The following ATF7IP2 variants were observed in gnomAD, a reference collection of about 807,000 sequenced individuals.
ATF7IP2 encodes the protein activating transcription factor 7-interacting protein 2.
In ATF7IP2, 42 loss-of-function variants were observed where a neutral mutation model predicts 64.2. That is an observed-to-expected ratio of 0.65 (90% CI 0.51 to 0.85). The LOEUF is 0.85. Ranked by LOEUF, ATF7IP2 falls within the 40% of genes least tolerant of loss-of-function variation. The probability of loss-of-function intolerance (pLI) is 0.00; values close to 1 mark genes in which losing one functional copy is unlikely to be tolerated. For missense variants in ATF7IP2, 933 were observed against 784.2 expected (o/e 1.19, Z -2.27); for synonymous variants, 308 against 272.8 (o/e 1.13, Z -1.27).
chr16:10,468,474 G>C (rs1056298530), intron 9 of ATF7IP2, among the ~76,000 whole-genome samples: 9 of 152,120 alleles, frequency 5.9e-5, no homozygotes, highest in Admixed American at 5.9e-4. Context: ...ATCATGATTG[G>C]GAAAACAAAT....
In ATF7IP2 at chr16:10,388,412, A is replaced by G. The variant is rs184793958; in HGVS notation, c.-242+2290A>G. ...TAGAGAGGTGTTACTGAAGTTAGCCATGAATTATTTAGAGGCATTATATGT... is the reference window on the plus strand; with the variant it reads ...TAGAGAGGTGTTACTGAAGTTAGCCGTGAATTATTTAGAGGCATTATATGT... On this transcript the variant is annotated intron_variant, in intron 1 of 13. Coordinates refer to ENST00000562102, the MANE Select transcript of ATF7IP2 (RefSeq NM_001393719.1). 2.0e-3 allele frequency among the ~76,000 whole-genome samples: 300 copies of G among 152,354 alleles called. 1 individual carries two copies. Among genetic ancestry groups the G allele is most frequent in the Non-Finnish European group, 3.7e-3 (250 of 68,034 alleles).
At position 10,440,285 on chromosome 16, in the gene ATF7IP2, G is replaced by A. The variant is rs999127302; in HGVS notation, c.1096-79G>A. On this transcript the variant is annotated intron_variant, in intron 7 of 13. Coordinates refer to ENST00000562102, the MANE Select transcript of ATF7IP2 (RefSeq NM_001393719.1). ...TGTCTAGGTCTTACAAAACTACTTT[G>A]GCAAATAATTTACCCTCTATCTCTA... The A allele has an allele frequency of 1.7e-5, 11 of 642,168 alleles. No individual in the cohort carries two copies. In the African/African-American group the frequency reaches 2.1e-4, roughly 12 times the overall value. The allele number at this position is 642,168 out of a possible 1,614,324, so 39.8% of individuals were successfully genotyped here.
At chr16:10,454,756 T>C (rs1202865754) in intron 8 of ATF7IP2, among the ~76,000 whole-genome samples, 3 of 152,214 alleles carry the variant, frequency 2.0e-5, no homozygotes, top group African/African-American at 7.2e-5. Flanking sequence ...AATGCAAATA[T>C]TATAATCTTT....
intron 1 of ATF7IP2, among the ~76,000 whole-genome samples, chr16:10,408,216 A>T (rs2047682221): frequency 6.6e-6 from 1 of 152,068 alleles, no homozygotes; most frequent in Non-Finnish European, 1.5e-5. Flanking sequence ...AGCTTATATC[A>T]CAATTTCTTT....
At chr16:10,411,351 G>GTTTT (rs55895645) in intron 1 of ATF7IP2, among the ~76,000 whole-genome samples, 1 of 141,062 alleles carries the variant, frequency 7.1e-6, no homozygotes, top group Non-Finnish European at 1.5e-5. Context: ...GGGCCTTTTT[G>GTTTT]TTTTTTTTTT....
chr16:10,440,611 A>G (rs2048582683), intron 8 of ATF7IP2, 149 bp downstream of exon 8: 1 of 542,292 alleles, frequency 1.8e-6, no homozygotes, highest in Non-Finnish European at 3.2e-6. Flanking sequence ...CTGTCTCTGG[A>G]AAAGACACCC....
chr16:10,477,655 TAGGC>T (rs1824979780), intron 12 of ATF7IP2, among the ~76,000 whole-genome samples: 1 of 151,794 alleles, frequency 6.6e-6, no homozygotes, highest in Non-Finnish European at 1.5e-5. Context: ...CCAGGGCAAT[TAGGC>T]AGGAGAAGGA....
At chr16:10,412,641 T>G (rs1264718065) in intron 1 of ATF7IP2, among the ~76,000 whole-genome samples, 2 of 152,208 alleles carry the variant, frequency 1.3e-5, no homozygotes, top group Non-Finnish European at 2.9e-5. Flanking sequence ...GAATAGAATG[T>G]ATATTCTGCA....
At chr16:10,389,520 A>G (rs910289230) in intron 1 of ATF7IP2, among the ~76,000 whole-genome samples, 1 of 152,164 alleles carries the variant, frequency 6.6e-6, no homozygotes, top group Non-Finnish European at 1.5e-5. Flanking sequence ...ATCCCCTACC[A>G]TCCAATTAAA....
chr16:10,436,902 T>C (rs55910056), intron 6 of ATF7IP2, among the ~76,000 whole-genome samples: 1 of 149,238 alleles, frequency 6.7e-6, no homozygotes, highest in South Asian at 2.1e-4. Flanking sequence ...CAGTCTGTTT[T>C]CAAAAAAAAA....
chr16:10,433,890 C>T (rs1208003297), intron 6 of ATF7IP2, among the ~76,000 whole-genome samples: 1 of 152,000 alleles, frequency 6.6e-6, no homozygotes, highest in Non-Finnish European at 1.5e-5. Context: ...TAGGTAGAGT[C>T]CTGTTGCAAA....
At chr16:10,438,636 C>G (rs912251664) in intron 7 of ATF7IP2, among the ~76,000 whole-genome samples, 2 of 152,158 alleles carry the variant, frequency 1.3e-5, no homozygotes, top group Non-Finnish European at 2.9e-5. Context: ...ATACCTGATT[C>G]CTGGCCATTA....
chr16:10,403,024 T>C lies in ATF7IP2; in HGVS notation c.-241-11550T>C, dbSNP rs565057205. ...GTTCTATGAATGAATGTTATGTTCA[T>C]TTGGTTTAAAGTTCAATTTCAGTCC... On this transcript the variant is annotated intron_variant, in intron 1 of 13. Transcript: ENST00000562102. Among the ~76,000 whole-genome samples, 317 of 152,366 alleles carry C rather than the reference T, an allele frequency of 2.1e-3. 2 individuals carry two copies. Among genetic ancestry groups the C allele is most frequent in the African/African-American group, 7.4e-3 (307 of 41,586 alleles).
intron 1 of ATF7IP2, among the ~76,000 whole-genome samples, chr16:10,404,162 A>C (rs113296255): frequency 1.3e-5 from 2 of 152,246 alleles, no homozygotes; most frequent in Non-Finnish European, 2.9e-5. Context: ...GTCAAGGTGA[A>C]GGAAAGAATT....
chr16:10,470,445 T>C (rs977058402), intron 9 of ATF7IP2, among the ~76,000 whole-genome samples: 4 of 152,152 alleles, frequency 2.6e-5, no homozygotes, highest in Non-Finnish European at 5.9e-5. Flanking sequence ...CCAAATTGTA[T>C]ATCTATCAAT....
At chr16:10,475,952 T>C (rs181487375) in intron 12 of ATF7IP2, among the ~76,000 whole-genome samples, 1 of 152,302 alleles carries the variant, frequency 6.6e-6, no homozygotes, top group East Asian at 1.9e-4. Flanking sequence ...AAAGTCCTGT[T>C]TTGTCTCTTA....
intron 13 of ATF7IP2, 51 bp from the exon 14 acceptor site, chr16:10,481,785 A>G: frequency 7.2e-7 from 1 of 1,382,682 alleles, no homozygotes; most frequent in South Asian, 1.4e-5. Context: ...TATTTCTACA[A>G]CTGCAATTGA....
At chr16:10,472,306 A>C in intron 10 of ATF7IP2, 123 bp downstream of exon 10, 1 of 479,468 alleles carries the variant, frequency 2.1e-6, no homozygotes, top group Non-Finnish European at 3.7e-6. Flanking sequence ...GTACTCTCAA[A>C]TGTTCTAATT....
At chr16:10,472,083 G>T in intron 9 of ATF7IP2, 27 bp from the exon 10 acceptor site, 2 of 1,345,274 alleles carry the variant, frequency 1.5e-6, no homozygotes, top group Non-Finnish European at 2.1e-6. Context: ...TTTAGTTTTT[G>T]TTTTTAATTT....
Sources: allele counts gnomAD v4.1 joint callset (sites outside exome capture counted in the v4.1 genomes callset), GRCh38; gene constraint gnomAD v4.1.1; transcripts MANE v1.5; gene names NCBI Gene and HGNC (gene_info 2026-07-23, HGNC 2026-07-21).